OGDH: variants seen among roughly 807,000 people sequenced by gnomAD.
OGDH encodes the protein oxoglutarate dehydrogenase.
In OGDH, 38 loss-of-function variants were observed where a neutral mutation model predicts 116.6. The observed-to-expected ratio is 0.33, with a 90% CI of 0.25 to 0.43. OGDH has a LOEUF of 0.43. Ranked by LOEUF, OGDH falls within the 20% of genes least tolerant of loss-of-function variation. OGDH has a pLI of 1.00. For synonymous variants in OGDH, 488 were observed against 533.3 expected (o/e 0.92, Z 1.17); for missense variants, 825 against 1,357.2 (o/e 0.61, Z 6.16).
chr7:44,627,542 C>T (rs1018364430), intron 2 of OGDH, among the ~76,000 whole-genome samples: 1 of 152,170 alleles, frequency 6.6e-6, no homozygotes, highest in Non-Finnish European at 1.5e-5. Flanking sequence ...GTCCTGAGGT[C>T]GGATTCCGTA....
In OGDH at chr7:44,693,944, C is replaced by T. The variant is rs766321374; in HGVS notation, c.1455C>T (p.Tyr485=). 21 of 1,614,130 alleles carry T rather than the reference C, an allele frequency of 1.3e-5. No individual in the cohort carries two copies. Among genetic ancestry groups the T allele is most frequent in the Middle Eastern group, 1.7e-4 (1 of 6,060 alleles). Residue 485 remains tyrosine (Y), a synonymous_variant, in exon 11 of 23, where the codon TAC becomes TAT. Transcript: ENST00000222673. ...VNSDDPEAVM[Y]VCKVAAEWRS... ...CAGATGACCCCGAGGCTGTCATGTA[C>T]GTGTGCAAAGTGGCGGCCGAGTGGA... is the stretch of plus-strand genomic sequence containing the variant.
intron 10 of OGDH, among the ~76,000 whole-genome samples, chr7:44,687,475 G>A (rs1042229294): frequency 6.6e-6 from 1 of 152,002 alleles, no homozygotes; most frequent in African/African-American, 2.4e-5. Context: ...GGGTGCAGGG[G>A]CACAATCTAG....
At chr7:44,616,763 A>G (rs1784792963) in intron 1 of OGDH, among the ~76,000 whole-genome samples, 1 of 146,018 alleles carries the variant, frequency 6.8e-6, no homozygotes, top group Non-Finnish European at 1.5e-5. Context: ...GTGTATATAT[A>G]TACACGTATA....
chr7:44,677,686 C>T (rs12673931), intron 9 of OGDH, among the ~76,000 whole-genome samples: 21,408 of 151,514 alleles, frequency 0.14, 3,295 homozygotes, highest in African/African-American at 0.37. Flanking sequence ...CTGGCTAACA[C>T]AGTGAAACCC....
chr7:44,694,498 C>G lies in OGDH; in HGVS notation c.1590C>G (p.Ile530Met). The change falls in exon 12 of 23, where the codon ATC (isoleucine) becomes ATG (methionine). Residue 530 changes from isoleucine (I) to methionine (M), a missense_variant. Physicochemically the swap from Ile to Met is conservative, Grantham distance 10 (BLOSUM62 1). Around this residue, in one of 7 missense-constraint regions of OGDH, gnomAD observed 146 missense variants for 317.3 expected, o/e 0.46. Transcript: ENST00000222673. The surrounding 1 kb of genome is among the most constrained non-coding windows in gnomAD (Gnocchi z 4.2). The part of the protein sequence containing the change: ...MFTQPLMYKQ[I>M]RKQKPVLQKY... ...CGCAGCCGCTCATGTACAAGCAGATCCGCAAGCAGAAGCCTGTGTTACAGA... is the reference window on the plus strand; with the variant it reads ...CGCAGCCGCTCATGTACAAGCAGATGCGCAAGCAGAAGCCTGTGTTACAGA... The G allele has an allele frequency of 6.2e-7, 1 of 1,613,940 alleles. No homozygotes were observed. Among genetic ancestry groups the G allele is most frequent in the Non-Finnish European group, 8.5e-7 (1 of 1,180,014 alleles).
intron 4 of OGDH, among the ~76,000 whole-genome samples, chr7:44,653,099 A>G (rs1486902686): frequency 6.6e-6 from 1 of 151,380 alleles, no homozygotes; most frequent in Non-Finnish European, 1.5e-5. Flanking sequence ...TTTAATTATT[A>G]TTTTTGTTTT....
chr7:44,693,496 A>C (rs1788452421), intron 10 of OGDH, among the ~76,000 whole-genome samples: 1 of 152,178 alleles, frequency 6.6e-6, no homozygotes, highest in Non-Finnish European at 1.5e-5. Context: ...TCCCAAATTT[A>C]AGTATTTATT....
chr7:44,638,492 G>A lies in OGDH; in HGVS notation c.223-6835G>A, dbSNP rs76313959. Among the ~76,000 whole-genome samples the A allele has an allele frequency of 4.3e-3, 654 of 152,280 alleles. 8 individuals are homozygous for A. Among genetic ancestry groups the A allele is most frequent in the African/African-American group, 0.014 (595 of 41,548 alleles). ...CAAGTCTGATTTTCCCCATTACTGT[G>A]CTTTCTCCTTTTCACTTCTGCTTTG... On this transcript the variant is annotated intron_variant, in intron 2 of 22. Coordinates refer to ENST00000222673, the MANE Select transcript of OGDH (RefSeq NM_002541.4).
chr7:44,619,487 T>C (rs1459652957), intron 1 of OGDH, among the ~76,000 whole-genome samples: 1 of 152,212 alleles, frequency 6.6e-6, no homozygotes, highest in Non-Finnish European at 1.5e-5. Context: ...AGGAATAGAC[T>C]CATAATATGT....
At chr7:44,629,398 T>C (rs1785334223) in intron 2 of OGDH, among the ~76,000 whole-genome samples, 1 of 152,124 alleles carries the variant, frequency 6.6e-6, no homozygotes. Flanking sequence ...GAGGGTGCCA[T>C]CATTGGCCCT....
chr7:44,693,794 G>A (rs541999926), intron 10 of OGDH, 31 bp from the exon 11 acceptor site: 7 of 1,537,110 alleles, frequency 4.6e-6, no homozygotes, highest in African/African-American at 1.4e-5. Flanking sequence ...TGTGCCAGGT[G>A]CCCTCTTGCT....
intron 4 of OGDH, among the ~76,000 whole-genome samples, chr7:44,661,178 T>C (rs1786922440): frequency 6.6e-6 from 1 of 152,220 alleles, no homozygotes; most frequent in Admixed American, 6.5e-5. Flanking sequence ...TCTCAGTAGA[T>C]TGACCCTCTT....
At chr7:44,695,843 GCC>G (rs1364953378) in intron 12 of OGDH, among the ~76,000 whole-genome samples, 180 bp from the exon 13 acceptor site, 1 of 152,160 alleles carries the variant, frequency 6.6e-6, no homozygotes, top group Admixed American at 6.6e-5. Flanking sequence ...GAAGGAGCAG[GCC>G]CAGAGGCTGA....
chr7:44,672,095 TAAAAA>T (rs534921257), intron 5 of OGDH, among the ~76,000 whole-genome samples: 3 of 148,860 alleles, frequency 2.0e-5, no homozygotes, highest in Non-Finnish European at 4.5e-5. Context: ...ATTAATTAAT[TAAAAA>T]AAAAACCTTA....
intron 2 of OGDH, among the ~76,000 whole-genome samples, chr7:44,638,078 TC>T (rs1214105359): frequency 1.3e-5 from 2 of 152,160 alleles, no homozygotes; most frequent in African/African-American, 4.8e-5. Flanking sequence ...TTTAACCTTT[TC>T]CCCCTTATCA....
chr7:44,609,134 A>G (rs1385524939), intron 1 of OGDH, among the ~76,000 whole-genome samples: 1 of 152,098 alleles, frequency 6.6e-6, no homozygotes, highest in African/African-American at 2.4e-5. Context: ...AAAAGGATTC[A>G]TAGAGCCTTT....
At chr7:44,651,982 G>A (rs1786467905) in intron 4 of OGDH, among the ~76,000 whole-genome samples, 1 of 152,078 alleles carries the variant, frequency 6.6e-6, no homozygotes, top group Admixed American at 6.6e-5. Flanking sequence ...GGGATTACAG[G>A]AGTGAGCCAC....
At position 44,698,210 on chromosome 7, in the gene OGDH, G is replaced by T; in HGVS notation, c.2377G>T (p.Ala793Ser). 6.2e-7 allele frequency: 1 copy of T among 1,614,112 alleles called. No individual in the cohort carries two copies. Among genetic ancestry groups the T allele is most frequent in the Non-Finnish European group, 8.5e-7 (1 of 1,180,032 alleles). ...GTTCCAGGGTCCAGAACATTCCTCC[G>T]CCCGCCCAGAGCGGTTCTTGCAGAT... ...MEGMGPEHSS[A>S]RPERFLQMCN... is the part of the protein sequence containing the mutation. Residue 793 changes from alanine to serine, a missense_variant, in exon 18 of 23, where the codon GCC becomes TCC. By Grantham distance (99) the Ala-to-Ser change is moderately conservative. This residue lies in a region of OGDH where 73 missense variants were observed against 182.3 expected (regional missense o/e 0.40). Coordinates refer to ENST00000222673, the MANE Select transcript of OGDH (RefSeq NM_002541.4).
At chr7:44,690,139 T>C (rs1233087152) in intron 10 of OGDH, among the ~76,000 whole-genome samples, 1 of 152,196 alleles carries the variant, frequency 6.6e-6, no homozygotes, top group Non-Finnish European at 1.5e-5. Context: ...CAGAGTTAGC[T>C]CCAGTGGGTG....
Sources: allele counts gnomAD v4.1 joint callset (sites outside exome capture counted in the v4.1 genomes callset), GRCh38; gene constraint gnomAD v4.1.1; regional missense constraint gnomAD v4.1.1; non-coding constraint Gnocchi (gnomAD v3.1); transcripts MANE v1.5; gene names NCBI Gene and HGNC (gene_info 2026-07-23, HGNC 2026-07-21).